The following ASB12 variants were observed in gnomAD, a reference collection of about 807,000 sequenced individuals.
The protein encoded by ASB12 is ankyrin repeat and SOCS box protein 12.
In ASB12, 17 loss-of-function variants were observed where a neutral mutation model predicts 13.7. The observed-to-expected ratio is 1.24, with a 90% confidence interval of 0.85 to 1.86. ASB12 has a LOEUF of 1.86. Ranked by LOEUF, ASB12 falls within the 40% of genes most tolerant of loss-of-function variation. The pLI is 0.00. For synonymous variants in ASB12, 107 were observed against 99.8 expected, an observed-to-expected ratio of 1.07 and a Z score of -0.43; for missense variants, 329 against 250.5, an observed-to-expected ratio of 1.31 and a Z score of -2.11.
Position 64,224,856 on chromosome X carries a change from T to C in ASB12, c.795A>G (p.Lys265=), listed in dbSNP as rs1449450868. 8.4e-7 allele frequency: 1 copy of C among 1,193,738 alleles called. No individual in the cohort carries two copies. Among genetic ancestry groups the C allele is most frequent in the Non-Finnish European group, 1.1e-6 (1 of 885,044 alleles). ...GGGCCTGTAGCAGCAATGCAATGCC[T>C]TTATCATCTTGTGAGGTCAGGTCAA... ...LSLDLTSQDD[K]GIALLLQARA... The change falls in exon 2 of 3, where the codon AAA becomes AAG. Residue 265 remains lysine (K), a synonymous_variant. Coordinates refer to ENST00000362002, the MANE Select transcript of ASB12 (RefSeq NM_130388.4).
chrX:64,225,633 T>C lies in ASB12; in HGVS notation c.18A>G (p.Gln6=). The C allele has an allele frequency of 5.9e-6, 7 of 1,190,377 alleles. No individual in the cohort carries two copies. Among genetic ancestry groups the C allele is most frequent in the East Asian group, 3.0e-5 (1 of 32,999 alleles). Residue 6 remains glutamine (Q), a synonymous_variant, in exon 2 of 3, where the codon CAA becomes CAG. Transcript: ENST00000362002. MRIVL[Q]LAKMNLMDIT... is the part of the protein sequence containing the mutation. ...TGTCCATGAGGTTCATCTTGGCTAA[T>C]TGGAGAACTATTCTCATTATGAGCA...
chrX:64,227,233 A>G (rs1930966068), intron 1 of ASB12, among the ~76,000 whole-genome samples: 1 of 111,663 alleles, frequency 9.0e-6, no homozygotes, highest in Non-Finnish European at 1.9e-5. Context: ...CTTAGGAGAC[A>G]AAACTTAGGA....
In ASB12 at chrX:64,225,050, A is replaced by G. The variant is rs1315309140; in HGVS notation, c.601T>C (p.Leu201=). ...YGHLDCFRLL[L]LHGADPDYNC... ...TAGTCAGGGTCTGCCCCGTGGAGCA[A>G]AAGCAGGCGGAAACAGTCCAGGTGC... The change falls in exon 2 of 3, where the codon TTG becomes CTG. Residue 201 remains leucine, a synonymous_variant. Coordinates refer to ENST00000362002, the MANE Select transcript of ASB12 (RefSeq NM_130388.4). The G allele has an allele frequency of 2.5e-6, 3 of 1,209,913 alleles. No individual in the cohort carries two copies. The highest frequency in any genetic ancestry group is 3.4e-6 in the Non-Finnish European group (3 of 895,187).
chrX:64,230,121 C>T (rs941113844), intron 1 of ASB12, among the ~76,000 whole-genome samples: 1 of 111,112 alleles, frequency 9.0e-6, no homozygotes, highest in African/African-American at 3.3e-5. Flanking sequence ...CACTCTAAGG[C>T]ACCCACACAC....
Position 64,224,912 on chromosome X carries a change from C to T in ASB12, c.739G>A (p.Gly247Ser). 1 of 1,210,273 alleles carries T rather than the reference C, an allele frequency of 8.3e-7. No individual in the cohort carries two copies. Among genetic ancestry groups the T allele is most frequent in the Middle Eastern group, 2.3e-4 (1 of 4,343 alleles). The change falls in exon 2 of 3, where the codon GGT becomes AGT. Residue 247 changes from glycine to serine, a missense_variant. Gly to Ser is a moderately conservative substitution (Grantham distance 56). Coordinates refer to ENST00000362002, the MANE Select transcript of ASB12 (RefSeq NM_130388.4). The part of the protein sequence containing the change: ...PEYIQLLIDF[G>S]ANIYLPSLSL... Reference sequence around the variant, plus strand: ...AGAGATGGAAGGTAGATATTAGCACCAAAATCGATTAACAGCTGGATATAC... The same window carrying T: ...AGAGATGGAAGGTAGATATTAGCACTAAAATCGATTAACAGCTGGATATAC...
At position 64,224,436 on chromosome X, in the gene ASB12, A is replaced by C. The variant is rs764713991; in HGVS notation, c.856T>G (p.Leu286Val). The C allele has an allele frequency of 9.0e-5, 109 of 1,208,627 alleles. 1 individual carries two copies. In the Admixed American group the frequency reaches 2.4e-3, roughly 26 times the overall value. Residue 286 changes from leucine to valine, a missense_variant, in exon 3 of 3, where the codon TTA becomes GTA. By Grantham distance (32) the Leu-to-Val change is conservative. Transcript: ENST00000362002. ...TPRSLLSQVRLVVRRALCQAG... is the reference protein window; with the variant it reads ...TPRSLLSQVRVVVRRALCQAG... ...TGGCACAAGGCTCTGCGGACGACTA[A>C]ACGGACCTGTGATAGAAGTGACCGT...
chrX:64,227,657 G>C (rs370751269), intron 1 of ASB12, among the ~76,000 whole-genome samples: 1 of 111,084 alleles, frequency 9.0e-6, no homozygotes, highest in African/African-American at 3.3e-5. Flanking sequence ...TATTTTAAGC[G>C]TCTCTATCCG....
Position 64,224,300 on chromosome X carries a change from C to G in ASB12, c.*35G>C. 1 of 1,203,078 alleles carries G rather than the reference C, an allele frequency of 8.3e-7. No individual in the cohort carries two copies. Among genetic ancestry groups the G allele is most frequent in the Non-Finnish European group, 1.1e-6 (1 of 889,142 alleles). On this transcript the variant is annotated 3_prime_UTR_variant, in exon 3 of 3. Coordinates refer to ENST00000362002, the MANE Select transcript of ASB12 (RefSeq NM_130388.4). ...GCTACGTGAGTCCCCAGGTGGTTTT[C>G]GGAGGCATCATAAGTTCCTGGGGAG...
At position 64,225,569 on chromosome X, in the gene ASB12, C is replaced by T. The variant is rs768691333; in HGVS notation, c.82G>A (p.Glu28Lys). ...IFSLLQPDKE[E>K]EDTDTEEKQA... ...TTCTCCTCTGTGTCAGTGTCCTCCT[C>T]CTCCTTGTCGGGCTGCAGGAGGGAG... The change falls in exon 2 of 3, where the codon GAG becomes AAG. Residue 28 changes from glutamate (E) to lysine (K), a missense_variant. Transcript: ENST00000362002. 2.5e-6 allele frequency: 3 copies of T among 1,207,714 alleles called. No individual in the cohort carries two copies. Among genetic ancestry groups the T allele is most frequent in the Non-Finnish European group, 2.2e-6 (2 of 893,413 alleles).
Position 64,225,505 on chromosome X carries a change from T to A in ASB12, c.146A>T (p.Tyr49Phe). 1 of 1,210,448 alleles carries A rather than the reference T, an allele frequency of 8.3e-7. No individual in the cohort carries two copies. Among genetic ancestry groups the A allele is most frequent in the Non-Finnish European group, 1.1e-6 (1 of 894,875 alleles). The change falls in exon 2 of 3, where the codon TAT (tyrosine) becomes TTT (phenylalanine). Residue 49 changes from tyrosine to phenylalanine, a missense_variant. Transcript: ENST00000362002. ...CTGGCGCAAAAGCTGGTCCAAAGTA[T>A]AGGAGTCGTTGTCATACACTGCTTG... ...LNQAVYDNDS[Y>F]TLDQLLRQER...
intron 1 of ASB12, among the ~76,000 whole-genome samples, chrX:64,226,266 T>C (rs1188333489): frequency 8.9e-6 from 1 of 112,470 alleles, no homozygotes; most frequent in Non-Finnish European, 1.9e-5. Context: ...CATTTTCAGA[T>C]AGTTTAACTC....
chrX:64,227,576 A>G (rs1930972357), intron 1 of ASB12, among the ~76,000 whole-genome samples: 1 of 110,174 alleles, frequency 9.1e-6, no homozygotes, highest in Non-Finnish European at 1.9e-5. Flanking sequence ...CTCCCTTCCC[A>G]TTCTCCCCTG....
At chrX:64,227,512 C>T (rs1314189465) in intron 1 of ASB12, among the ~76,000 whole-genome samples, 1 of 111,322 alleles carries the variant, frequency 9.0e-6, no homozygotes, top group African/African-American at 3.3e-5. Context: ...ACAGACCACT[C>T]CTCCCTACAA....
Position 64,225,335 on chromosome X carries a change from C to A in ASB12, c.316G>T (p.Ala106Ser). The A allele has an allele frequency of 1.7e-6, 2 of 1,208,795 alleles. No homozygotes were observed. Among genetic ancestry groups the A allele is most frequent in the Non-Finnish European group, 2.2e-6 (2 of 894,036 alleles). ...GADVDSLDVK[A>S]QTPLFTAVSH... ...ACAGCAGTGAAAAGTGGCGTCTGTGCCTTGACATCCAAGCTGTCAACATCA... is the reference window on the plus strand; with the variant it reads ...ACAGCAGTGAAAAGTGGCGTCTGTGACTTGACATCCAAGCTGTCAACATCA... The change falls in exon 2 of 3, where the codon GCA becomes TCA. Residue 106 changes from alanine (A) to serine (S), a missense_variant. Physicochemically the swap from Ala to Ser is moderately conservative, Grantham distance 99 (BLOSUM62 1). Transcript: ENST00000362002.
rs925844488 is a variant in ASB12 at position 64,227,232 on chromosome X, C to G, written c.-24-1558G>C. On this transcript the variant is annotated intron_variant, in intron 1 of 2. Coordinates refer to ENST00000362002, the MANE Select transcript of ASB12 (RefSeq NM_130388.4). ...CACCTTTAGCCTCCATCTTAGGAGA[C>G]AAAACTTAGGAGAATAAACTTCTAT... is the stretch of plus-strand genomic sequence containing the variant. 2.7e-5 allele frequency among the ~76,000 whole-genome samples: 3 copies of G among 111,513 alleles called. No individual in the cohort carries two copies. In the Admixed American group the frequency reaches 2.8e-4, roughly 11 times the overall value.
intron 1 of ASB12, 150 bp from the exon 2 acceptor site, chrX:64,225,824 G>A (rs1930939640): frequency 2.0e-5 from 15 of 746,147 alleles, no homozygotes; most frequent in Non-Finnish European, 2.8e-5. Context: ...CTTATTTCAG[G>A]CCCCAAAGAC....
At chrX:64,226,413 G>A (rs1029153459) in intron 1 of ASB12, among the ~76,000 whole-genome samples, 8 of 112,255 alleles carry the variant, frequency 7.1e-5, no homozygotes, top group African/African-American at 2.6e-4. Context: ...TAAATGAAGA[G>A]GTGGCATTAC....
At chrX:64,229,386 T>C (rs1931012402) in intron 1 of ASB12, among the ~76,000 whole-genome samples, 1 of 111,832 alleles carries the variant, frequency 8.9e-6, no homozygotes, top group Non-Finnish European at 1.9e-5. Flanking sequence ...GAATCGTGCC[T>C]CCATTAGATA....
Position 64,225,237 on chromosome X carries a change from G to A in ASB12, c.414C>T (p.Asn138=), listed in dbSNP as rs767313577. Residue 138 remains asparagine, a synonymous_variant, in exon 2 of 3, where the codon AAC becomes AAT. Transcript: ENST00000362002. ...CAGCTGTGAGCACGGGAGAACAGTT[G>A]TTGTAGATGCTACCACCAGGAGAGG... The part of the protein sequence containing the change: ...AGASPGGSIY[N]NCSPVLTAAR... The A allele has an allele frequency of 8.3e-7, 1 of 1,211,526 alleles. No homozygotes were observed. Among genetic ancestry groups the A allele is most frequent in the Non-Finnish European group, 1.1e-6 (1 of 895,414 alleles).
Sources: allele counts gnomAD v4.1 joint callset (sites outside exome capture counted in the v4.1 genomes callset), GRCh38; gene constraint gnomAD v4.1.1; transcripts MANE v1.5; gene names NCBI Gene and HGNC (gene_info 2026-07-23, HGNC 2026-07-21).